Variants in TENM4 observed in about 807,000 individuals in gnomAD.
TENM4 encodes teneurin-4.
TENM4 carries 82 observed loss-of-function variants against 243.3 expected under a neutral mutation model. The observed-to-expected ratio is 0.34, with a 90% CI of 0.28 to 0.40. The LOEUF (loss-of-function observed/expected upper bound fraction) is 0.40. Among genes scored for constraint, TENM4 ranks in the 10% least tolerant of loss-of-function variants. TENM4 has a pLI of 1.00. For synonymous variants in TENM4, 1,412 were observed against 1,456.3 expected (o/e 0.97, Z 0.69); for missense variants, 3,138 against 3,673.3 (o/e 0.85, Z 3.77).
chr11:78,903,694 C>T (rs1463457835), intron 6 of TENM4, 171 bp from the exon 7 acceptor site: 17 of 1,072,184 alleles, frequency 1.6e-5, no homozygotes, highest in Non-Finnish European at 2.2e-5. Flanking sequence ...ACCTACCATT[C>T]TAGGTGCTAG....
At chr11:79,219,567 G>C (rs939372962) in intron 2 of TENM4, among the ~76,000 whole-genome samples, 2 of 152,166 alleles carry the variant, frequency 1.3e-5, no homozygotes, top group African/African-American at 2.4e-5. Context: ...TTCCAGACTT[G>C]CAGGTGAAGA....
At chr11:79,307,461 C>T (rs1376475515) in intron 1 of TENM4, among the ~76,000 whole-genome samples, 1 of 152,158 alleles carries the variant, frequency 6.6e-6, no homozygotes, top group Non-Finnish European at 1.5e-5. Context: ...CCTGCTGGTT[C>T]TAACTCCTCA....
At chr11:78,924,960 T>A (rs1047828450) in intron 6 of TENM4, among the ~76,000 whole-genome samples, 5 of 152,240 alleles carry the variant, frequency 3.3e-5, no homozygotes, top group African/African-American at 9.6e-5. Context: ...TTATGAATGC[T>A]AACTGCTAGG....
At chr11:78,970,997 T>G (rs1857533269) in intron 6 of TENM4, among the ~76,000 whole-genome samples, 1 of 151,968 alleles carries the variant, frequency 6.6e-6, no homozygotes, top group Admixed American at 6.5e-5. Context: ...ATAGTTCTTT[T>G]TATTTTATTT....
At chr11:79,385,198 A>G (rs1258654644) in intron 1 of TENM4, among the ~76,000 whole-genome samples, 1 of 152,198 alleles carries the variant, frequency 6.6e-6, no homozygotes, top group African/African-American at 2.4e-5. Flanking sequence ...AAGAATCCAG[A>G]TGCCCAGATT....
chr11:79,252,889 G>T (rs766218716), intron 2 of TENM4, among the ~76,000 whole-genome samples: 1 of 152,178 alleles, frequency 6.6e-6, no homozygotes, highest in Admixed American at 6.5e-5. Context: ...CCAGACAGAC[G>T]AGTAAGAGTC....
chr11:79,022,525 T>C (rs1435469), intron 6 of TENM4, among the ~76,000 whole-genome samples: 59,775 of 152,094 alleles, frequency 0.39, 14,974 homozygotes, highest in African/African-American at 0.72. Flanking sequence ...TCAATTCACA[T>C]GGCCCTGGAA....
intron 20 of TENM4, among the ~76,000 whole-genome samples, chr11:78,734,331 C>T (rs1855738555): frequency 6.6e-6 from 1 of 152,192 alleles, no homozygotes; most frequent in African/African-American, 2.4e-5. Flanking sequence ...TGACCTAGCC[C>T]CCCTCCCATC....
At chr11:78,751,851 C>A (rs906139462) in intron 19 of TENM4, among the ~76,000 whole-genome samples, 10 of 152,170 alleles carry the variant, frequency 6.6e-5, no homozygotes, top group Admixed American at 6.5e-4. Flanking sequence ...ATTGACAGTG[C>A]AGTTGGAGGT....
chr11:78,859,936 G>A (rs1215104902), intron 10 of TENM4, among the ~76,000 whole-genome samples: 1 of 152,056 alleles, frequency 6.6e-6, no homozygotes, highest in Non-Finnish European at 1.5e-5. Flanking sequence ...ACAAGTTCTT[G>A]TGGCTTTAGT....
intron 30 of TENM4, among the ~76,000 whole-genome samples, chr11:78,673,800 C>T (rs1353441965): frequency 6.6e-6 from 1 of 152,202 alleles, no homozygotes; most frequent in Non-Finnish European, 1.5e-5. Context: ...TTCTCCCACA[C>T]AAATTCTAAG....
intron 15 of TENM4, 134 bp downstream of exon 15, chr11:78,805,158 C>T: frequency 1.6e-6 from 1 of 610,286 alleles, no homozygotes; most frequent in Non-Finnish European, 2.8e-6. Context: ...GGCTAGAGTT[C>T]AGAGAAAGAG....
intron 4 of TENM4, chr11:79,093,080 C>T (rs552946976): frequency 6.6e-6 from 1 of 152,362 alleles, no homozygotes; most frequent in South Asian, 2.1e-4. Flanking sequence ...AAGAATCATT[C>T]TCTACCCCAT....
At chr11:78,953,480 A>G (rs1471221692) in intron 6 of TENM4, among the ~76,000 whole-genome samples, 1 of 152,220 alleles carries the variant, frequency 6.6e-6, no homozygotes, top group Non-Finnish European at 1.5e-5. Context: ...TCTATTATAT[A>G]GCAATCACTG....
chr11:78,968,566 CAGTT>C (rs1399021161), intron 6 of TENM4, among the ~76,000 whole-genome samples: 8 of 152,140 alleles, frequency 5.3e-5, no homozygotes, highest in East Asian at 1.9e-4. Context: ...TGGGCTAACA[CAGTT>C]AGGGAGTGCA....
intron 1 of TENM4, among the ~76,000 whole-genome samples, chr11:79,356,886 T>C (rs975541382): frequency 1.3e-5 from 2 of 152,216 alleles, no homozygotes; most frequent in African/African-American, 4.8e-5. Flanking sequence ...ATATCCATAA[T>C]GAATATTATA....
intron 6 of TENM4, among the ~76,000 whole-genome samples, chr11:79,013,628 G>A (rs1442501126): frequency 1.3e-5 from 2 of 152,210 alleles, no homozygotes; most frequent in African/African-American, 2.4e-5. Context: ...AAGGCTGGAT[G>A]AACAAGATTC....
At chr11:78,894,829 G>C (rs1855749803) in intron 7 of TENM4, among the ~76,000 whole-genome samples, 1 of 151,058 alleles carries the variant, frequency 6.6e-6, no homozygotes, top group Non-Finnish European at 1.5e-5. Context: ...CCCATCTCTA[G>C]AAAAAAATTC....
At chr11:79,167,576 G>T (rs149378697) in intron 3 of TENM4, among the ~76,000 whole-genome samples, 1 of 152,228 alleles carries the variant, frequency 6.6e-6, no homozygotes, top group Non-Finnish European at 1.5e-5. Context: ...TGGGTAGTCT[G>T]CCTCCTGGGT....
Sources: gnomAD v4.1 joint callset for allele counts (sites outside exome capture counted in the v4.1 genomes callset) on GRCh38, gnomAD v4.1.1 for gene constraint, MANE v1.5 for transcripts, NCBI Gene and HGNC (gene_info 2026-07-23, HGNC 2026-07-21) for gene names.